COL6A6: variants seen among roughly 807,000 people sequenced by gnomAD.
COL6A6 encodes collagen type VI alpha 6 chain.
Under a neutral mutation model 208.6 loss-of-function variants are expected in COL6A6, and 183 were observed. The ratio of observed to expected loss-of-function variants is 0.88; its 90% confidence interval spans 0.78 to 0.99. The LOEUF is 0.99. COL6A6 is among the 50% of genes least tolerant of loss of function. COL6A6 has a pLI of 0.00. For missense variants in COL6A6, 2,816 were observed against 2,815.2 expected (o/e 1.00, Z -0.01); for synonymous variants, 973 against 1,011.8 (o/e 0.96, Z 0.73).
intron 36 of COL6A6, among the ~76,000 whole-genome samples, chr3:130,666,408 C>CCCTA (rs1215030788): frequency 2.6e-5 from 4 of 152,142 alleles, no homozygotes; most frequent in African/African-American, 9.7e-5. Flanking sequence ...GATGGCTGCA[C>CCCTA]CCTACCTTCA....
rs1413471279 is a variant in COL6A6 at position 130,649,307 on chromosome 3, A to G, written c.5478A>G (p.Arg1826=). The G allele has an allele frequency of 3.7e-6, 6 of 1,606,960 alleles. No homozygotes were observed. The highest frequency in any genetic ancestry group is 4.2e-6 in the Non-Finnish European group (5 of 1,176,878). The change falls in exon 33 of 37, where the codon AGA becomes AGG. Residue 1826 remains arginine, a synonymous_variant. Coordinates refer to ENST00000358511, the MANE Select transcript of COL6A6 (RefSeq NM_001102608.3). ...SDAYKKSQLL[R]EIETIPYERS... The stretch of plus-strand genomic sequence containing the variant: ...CCTACAAGAAGAGTCAACTTCTCAG[A>G]GAAATTGAAACTATTCCTTATGAGA...
chr3:130,611,805 G>T (rs1218716523), intron 23 of COL6A6, among the ~76,000 whole-genome samples: 1 of 152,092 alleles, frequency 6.6e-6, no homozygotes, highest in Non-Finnish European at 1.5e-5. Flanking sequence ...TGTATTTTAG[G>T]TCTAGGTGTA....
At chr3:130,517,754 C>T (rs1710827641) in intron 1 of COL6A6, among the ~76,000 whole-genome samples, 1 of 152,360 alleles carries the variant, frequency 6.6e-6, no homozygotes, top group Non-Finnish European at 1.5e-5. Context: ...CAGGGCCTGG[C>T]GAGTGGCATG....
chr3:130,649,271 C>T lies in COL6A6; in HGVS notation c.5442C>T (p.Arg1814=). The part of the protein sequence containing the change: ...SYNSHARHLV[R]FSDAYKKSQL... ...ACTCCCACGCCAGGCACCTTGTGCGCTTCTCAGACGCCTACAAGAAGAGTC... is the reference window on the plus strand; with the variant it reads ...ACTCCCACGCCAGGCACCTTGTGCGTTTCTCAGACGCCTACAAGAAGAGTC... The change falls in exon 33 of 37, where the codon CGC becomes CGT. Residue 1814 remains arginine (R), a synonymous_variant. Transcript: ENST00000358511. The T allele has an allele frequency of 6.2e-7, 1 of 1,602,058 alleles. No individual in the cohort carries two copies. Among genetic ancestry groups the T allele is most frequent in the South Asian group, 1.1e-5 (1 of 88,480 alleles).
intron 19 of COL6A6, 42 bp from the exon 20 acceptor site, chr3:130,599,715 G>A (rs542081956): frequency 1.2e-6 from 2 of 1,606,790 alleles, no homozygotes; most frequent in East Asian, 4.5e-5. Flanking sequence ...CTCTGTCAAT[G>A]CTGCATAATT....
intron 7 of COL6A6, among the ~76,000 whole-genome samples, 188 bp downstream of exon 7, chr3:130,571,581 TC>T: frequency 6.6e-6 from 1 of 152,168 alleles, no homozygotes; most frequent in Non-Finnish European, 1.5e-5. Flanking sequence ...TTCAGACTTC[TC>T]CCCAAAGAGA....
At chr3:130,591,667 A>G (rs2063719178) in intron 13 of COL6A6, among the ~76,000 whole-genome samples, 1 of 152,236 alleles carries the variant, frequency 6.6e-6, no homozygotes, top group South Asian at 2.1e-4. Flanking sequence ...AAATAAAAGG[A>G]AAAATATGGT....
intron 31 of COL6A6, among the ~76,000 whole-genome samples, chr3:130,643,843 G>C (rs753550295): frequency 8.2e-4 from 125 of 152,170 alleles, no homozygotes; most frequent in Non-Finnish European, 1.1e-3. Context: ...TGGTCTCAAA[G>C]ACAGACATTT....
intron 1 of COL6A6, among the ~76,000 whole-genome samples, chr3:130,556,088 A>G (rs146700791): frequency 2.0e-5 from 3 of 152,098 alleles, no homozygotes; most frequent in Non-Finnish European, 4.4e-5. Flanking sequence ...CTCTGTGTCC[A>G]TGGGTACACT....
rs766657514 is a variant in COL6A6, at chr3:130,566,851, G to A, written c.1432G>A (p.Val478Ile). 18 of 1,613,852 alleles carry A rather than the reference G, an allele frequency of 1.1e-5. No homozygotes were observed. Among genetic ancestry groups the A allele is most frequent in the South Asian group, 4.4e-5 (4 of 91,082 alleles). Residue 478 changes from valine to isoleucine, a missense_variant, in exon 5 of 37, where the codon GTT becomes ATT. Physicochemically the swap from Val to Ile is conservative, Grantham distance 29 (BLOSUM62 3). Coordinates refer to ENST00000358511, the MANE Select transcript of COL6A6 (RefSeq NM_001102608.3). ...IAPHKVRVGA[V>I]QYADSWDLEF... ...TCCCCATAAGGTGCGGGTTGGGGCCGTTCAGTATGCTGACAGCTGGGACTT... is the reference window on the plus strand; with the variant it reads ...TCCCCATAAGGTGCGGGTTGGGGCCATTCAGTATGCTGACAGCTGGGACTT...
chr3:130,606,895 C>A, intron 20 of COL6A6, 36 bp from the exon 21 acceptor site: 1 of 1,574,196 alleles, frequency 6.4e-7, no homozygotes, highest in South Asian at 1.2e-5. Flanking sequence ...AGCATTTTTT[C>A]TGAATTAATG....
intron 1 of COL6A6, among the ~76,000 whole-genome samples, chr3:130,521,897 A>AT (rs1418190728): frequency 6.6e-6 from 1 of 152,166 alleles, no homozygotes; most frequent in Non-Finnish European, 1.5e-5. Context: ...CCAGCTGCTC[A>AT]TAGTGGTAAC....
At chr3:130,521,937 C>G (rs2107666111) in intron 1 of COL6A6, among the ~76,000 whole-genome samples, 1 of 152,236 alleles carries the variant, frequency 6.6e-6, no homozygotes, top group East Asian at 1.9e-4. Flanking sequence ...GACTTTTTTC[C>G]CTTCTCTGTC....
At chr3:130,623,080 G>A (rs1295691304) in intron 24 of COL6A6, among the ~76,000 whole-genome samples, 2 of 152,104 alleles carry the variant, frequency 1.3e-5, no homozygotes, top group Non-Finnish European at 2.9e-5. Flanking sequence ...GGCCAGCACG[G>A]TGTTATCTAA....
chr3:130,556,405 T>C (rs1328034131), intron 1 of COL6A6, among the ~76,000 whole-genome samples: 1 of 152,206 alleles, frequency 6.6e-6, no homozygotes, highest in Non-Finnish European at 1.5e-5. Flanking sequence ...TAAAATACTT[T>C]ATAAAAGATT....
intron 17 of COL6A6, among the ~76,000 whole-genome samples, 164 bp from the exon 18 acceptor site, chr3:130,594,117 T>C (rs1435442397): frequency 1.3e-5 from 2 of 152,258 alleles, no homozygotes; most frequent in South Asian, 2.1e-4. Context: ...ATTATTTATA[T>C]GGTGCTTGAA....
intron 27 of COL6A6, among the ~76,000 whole-genome samples, chr3:130,635,095 C>T (rs1174140333): frequency 2.6e-5 from 4 of 152,076 alleles, no homozygotes; most frequent in South Asian, 2.1e-4. Context: ...ATTAGCTAGG[C>T]GTGGTGGTGC....
At chr3:130,584,614 T>A (rs111896083) in intron 10 of COL6A6, among the ~76,000 whole-genome samples, 8 of 152,176 alleles carry the variant, frequency 5.3e-5, no homozygotes, top group African/African-American at 1.7e-4. Context: ...TTTTATTTTT[T>A]AAATTAATTT....
intron 6 of COL6A6, among the ~76,000 whole-genome samples, chr3:130,570,570 C>T (rs1007417354): frequency 2.0e-5 from 3 of 152,112 alleles, no homozygotes; most frequent in African/African-American, 7.2e-5. Context: ...CACTTGACCT[C>T]GTCCCACTCC....
Sources: allele counts gnomAD v4.1 joint callset (sites outside exome capture counted in the v4.1 genomes callset), GRCh38; gene constraint gnomAD v4.1.1; transcripts MANE v1.5; gene names NCBI Gene and HGNC (gene_info 2026-07-23, HGNC 2026-07-21).